Variants in NPAS3 observed in about 807,000 individuals in gnomAD.
The protein encoded by NPAS3 is neuronal PAS domain-containing protein 3.
Under a neutral mutation model 73.1 loss-of-function variants are expected in NPAS3, and 14 were observed. The observed-to-expected ratio is 0.19, with a 90% CI of 0.13 to 0.30. The LOEUF is 0.30. NPAS3 is among the 10% of genes least tolerant of loss of function. The probability of loss-of-function intolerance (pLI) is 1.00; values close to 1 mark genes in which losing one functional copy is unlikely to be tolerated. For missense variants in NPAS3, 1,096 were observed against 1,250.0 expected (o/e 0.88, Z 1.86); for synonymous variants, 620 against 541.5 (o/e 1.14, Z -2.01).
intron 4 of NPAS3, among the ~76,000 whole-genome samples, chr14:33,481,842 CTGTT>C (rs571342570): frequency 5.9e-4 from 89 of 152,072 alleles, no homozygotes; most frequent in Admixed American, 1.0e-3. Flanking sequence ...GAGGACAAGG[CTGTT>C]TGTTTGTTTT....
intron 6 of NPAS3, among the ~76,000 whole-genome samples, chr14:33,699,152 A>G (rs1409842022): frequency 6.6e-6 from 1 of 151,768 alleles, no homozygotes; most frequent in Non-Finnish European, 1.5e-5. Context: ...TTAACGTTTC[A>G]AAAAAAAACA....
At chr14:33,172,536 G>A (rs999162115) in intron 2 of NPAS3, among the ~76,000 whole-genome samples, 3 of 152,082 alleles carry the variant, frequency 2.0e-5, no homozygotes, top group African/African-American at 7.2e-5. Context: ...AGGAATTCGA[G>A]GCTATCCTGG....
chr14:33,618,438 A>C (rs2057984816), intron 5 of NPAS3, among the ~76,000 whole-genome samples: 1 of 152,158 alleles, frequency 6.6e-6, no homozygotes. Flanking sequence ...GTTGCAACCT[A>C]GATCCCTCCC....
intron 9 of NPAS3, among the ~76,000 whole-genome samples, chr14:33,783,692 T>C (rs1179487902): frequency 6.6e-6 from 1 of 151,944 alleles, no homozygotes; most frequent in East Asian, 1.9e-4. Context: ...AGCAAGAGGG[T>C]TGAGCTCCAG....
chr14:33,686,518 A>G (rs2060093327), intron 6 of NPAS3, among the ~76,000 whole-genome samples: 1 of 152,208 alleles, frequency 6.6e-6, no homozygotes, highest in African/African-American at 2.4e-5. Flanking sequence ...GCCATTACTC[A>G]TTGACTACTC....
intron 3 of NPAS3, among the ~76,000 whole-genome samples, chr14:33,237,918 T>C (rs1307350589): frequency 6.6e-6 from 1 of 151,734 alleles, no homozygotes; most frequent in Non-Finnish European, 1.5e-5. Flanking sequence ...TTTATATATA[T>C]TTAGTTTTTC....
intron 4 of NPAS3, among the ~76,000 whole-genome samples, chr14:33,412,687 C>T (rs1179292292): frequency 6.6e-6 from 1 of 152,120 alleles, no homozygotes; most frequent in Non-Finnish European, 1.5e-5. Context: ...CAGCTCTACT[C>T]CTCACTGGTT....
chr14:32,947,809 A>G (rs1455317001), intron 1 of NPAS3, among the ~76,000 whole-genome samples: 1 of 151,656 alleles, frequency 6.6e-6, no homozygotes, highest in African/African-American at 2.4e-5. Context: ...TTTTTTTTGC[A>G]CATTTTTATT....
intron 1 of NPAS3, among the ~76,000 whole-genome samples, chr14:32,985,634 C>A (rs1208848899): frequency 6.6e-6 from 1 of 151,828 alleles, no homozygotes; most frequent in African/African-American, 2.4e-5. Context: ...AAAAACAAAA[C>A]AAAACACAAA....
chr14:33,565,198 C>G (rs547091231), intron 5 of NPAS3, among the ~76,000 whole-genome samples: 1 of 152,274 alleles, frequency 6.6e-6, no homozygotes, highest in South Asian at 2.1e-4. Flanking sequence ...TTAAGCCATG[C>G]AGATATATTT....
intron 3 of NPAS3, among the ~76,000 whole-genome samples, chr14:33,280,873 C>G (rs183943813): frequency 4.6e-5 from 7 of 152,240 alleles, no homozygotes; most frequent in Non-Finnish European, 1.0e-4. Context: ...CCCATCAAAG[C>G]TCATCATTAG....
chr14:33,028,746 C>G (rs2039891341), intron 1 of NPAS3, among the ~76,000 whole-genome samples: 1 of 151,976 alleles, frequency 6.6e-6, no homozygotes, highest in African/African-American at 2.4e-5. Flanking sequence ...TTGAAGAAAA[C>G]ATTACAGAGG....
intron 2 of NPAS3, among the ~76,000 whole-genome samples, chr14:33,112,727 A>G (rs550419019): frequency 2.6e-5 from 4 of 152,308 alleles, no homozygotes; most frequent in African/African-American, 7.2e-5. Context: ...TGTTTTAGAC[A>G]TGAAGTCCTT....
At chr14:33,031,765 A>C (rs1311021307) in intron 1 of NPAS3, among the ~76,000 whole-genome samples, 2 of 152,174 alleles carry the variant, frequency 1.3e-5, no homozygotes, top group East Asian at 3.9e-4. Flanking sequence ...GCTTCCCAAA[A>C]TGCTGGGATT....
At chr14:33,036,676 T>G (rs1448588257) in intron 1 of NPAS3, among the ~76,000 whole-genome samples, 1 of 152,174 alleles carries the variant, frequency 6.6e-6, no homozygotes, top group Non-Finnish European at 1.5e-5. Flanking sequence ...AAATTAGTCG[T>G]CATATAGTAT....
intron 2 of NPAS3, among the ~76,000 whole-genome samples, chr14:33,059,690 T>C (rs1487185792): frequency 6.6e-6 from 1 of 152,234 alleles, no homozygotes; most frequent in Non-Finnish European, 1.5e-5. Flanking sequence ...GCAAAAGTTC[T>C]TTTCAAATTA....
chr14:33,588,395 A>G (rs2056943446), intron 5 of NPAS3, among the ~76,000 whole-genome samples: 1 of 152,204 alleles, frequency 6.6e-6, no homozygotes, highest in Non-Finnish European at 1.5e-5. Flanking sequence ...AAGAATTTGC[A>G]GAAACTCAAC....
At chr14:33,667,782 C>T (rs774203490) in intron 5 of NPAS3, among the ~76,000 whole-genome samples, 6 of 152,124 alleles carry the variant, frequency 3.9e-5, no homozygotes, top group Admixed American at 6.5e-5. Flanking sequence ...TTAATCATGG[C>T]GTGAAGAATT....
intron 4 of NPAS3, among the ~76,000 whole-genome samples, chr14:33,466,000 G>C (rs539021487): frequency 8.5e-5 from 13 of 152,282 alleles, no homozygotes; most frequent in African/African-American, 2.6e-4. Context: ...CTGGAAGAAT[G>C]GATGAAATCA....
Sources: allele counts gnomAD v4.1 joint callset (sites outside exome capture counted in the v4.1 genomes callset), GRCh38; gene constraint gnomAD v4.1.1; transcripts MANE v1.5; gene names NCBI Gene and HGNC (gene_info 2026-07-23, HGNC 2026-07-21).